Variants in AGO3 observed in about 807,000 individuals in gnomAD.
The protein encoded by AGO3 is protein argonaute-3.
In AGO3, 16 loss-of-function variants were observed where a neutral mutation model predicts 105.5. That is an observed-to-expected ratio of 0.15 (90% CI 0.10 to 0.23). AGO3 has a LOEUF of 0.23. Among genes scored for constraint, AGO3 ranks in the 10% least tolerant of loss-of-function variants. AGO3 has a pLI of 1.00. For missense variants in AGO3, 534 were observed against 1,088.0 expected, an observed-to-expected ratio of 0.49 and a Z score of 7.16; for synonymous variants, 340 against 367.3, an observed-to-expected ratio of 0.93 and a Z score of 0.85.
chr1:36,012,370 T>C (rs1197286760), intron 9 of AGO3, among the ~76,000 whole-genome samples: 1 of 151,780 alleles, frequency 6.6e-6, no homozygotes, highest in Admixed American at 6.6e-5. Context: ...AAAATGACTT[T>C]TCCTGCTTAT....
At chr1:35,937,560 G>A (rs765196686) in intron 1 of AGO3, among the ~76,000 whole-genome samples, 5 of 137,938 alleles carry the variant, frequency 3.6e-5, no homozygotes, top group Admixed American at 1.5e-4. Flanking sequence ...GCATGGTGGC[G>A]TACACCTGTA....
Position 36,055,759 on chromosome 1 carries a change from A to G in AGO3, c.*14A>G. 1 of 1,610,228 alleles carries G rather than the reference A, an allele frequency of 6.2e-7. No homozygotes were observed. Among genetic ancestry groups the G allele is most frequent in the Non-Finnish European group, 8.5e-7 (1 of 1,176,930 alleles). On this transcript the variant is annotated 3_prime_UTR_variant, in exon 19 of 19. Coordinates refer to ENST00000373191, the MANE Select transcript of AGO3 (RefSeq NM_024852.4). This position sits in a 1 kb window ranked among gnomAD's most constrained non-coding sequence, Gnocchi z 4.4. ...TACTTCGCTTAAATAGTCCAAGTAT[A>G]TTCTCTGAGAGGAAGTACTGAAAGA...
At chr1:35,961,092 C>T (rs1257543601) in intron 2 of AGO3, among the ~76,000 whole-genome samples, 1 of 151,542 alleles carries the variant, frequency 6.6e-6, no homozygotes, top group African/African-American at 2.4e-5. Context: ...TACGGGCACC[C>T]GCCACCAAGC....
intron 2 of AGO3, among the ~76,000 whole-genome samples, chr1:35,950,831 A>G (rs1230643205): frequency 1.3e-5 from 2 of 152,242 alleles, no homozygotes; most frequent in East Asian, 1.9e-4. Context: ...AAACCATTAA[A>G]TAATGGAATA....
chr1:35,957,692 C>T (rs1646596302), intron 2 of AGO3, among the ~76,000 whole-genome samples: 1 of 152,182 alleles, frequency 6.6e-6, no homozygotes, highest in Non-Finnish European at 1.5e-5. Context: ...TGCCACTGCA[C>T]TCCAGCCTGG....
At chr1:35,993,370 C>G (rs892783680) in intron 5 of AGO3, among the ~76,000 whole-genome samples, 3 of 152,082 alleles carry the variant, frequency 2.0e-5, no homozygotes, top group African/African-American at 7.2e-5. Context: ...GATTAATAAA[C>G]TCCTAGCAAG....
chr1:36,012,905 T>TA (rs565133192), intron 9 of AGO3, among the ~76,000 whole-genome samples: 13,910 of 144,848 alleles, frequency 0.096, 686 homozygotes, highest in South Asian at 0.21. Context: ...TCCATCTCTT[T>TA]AAAAAAAAAA....
chr1:36,011,426 TA>T (rs1329376341), intron 9 of AGO3, among the ~76,000 whole-genome samples: 1 of 151,940 alleles, frequency 6.6e-6, no homozygotes, highest in Non-Finnish European at 1.5e-5. Context: ...ATTAGGAAAA[TA>T]TATGCTGGTT....
At chr1:35,966,058 C>T (rs1246747783) in intron 2 of AGO3, among the ~76,000 whole-genome samples, 1 of 152,170 alleles carries the variant, frequency 6.6e-6, no homozygotes, top group African/African-American at 2.4e-5. Context: ...CTCCCGACCT[C>T]AGGTGATCCA....
intron 2 of AGO3, among the ~76,000 whole-genome samples, chr1:35,960,511 TA>T (rs1646654015): frequency 6.6e-6 from 1 of 152,034 alleles, no homozygotes; most frequent in Non-Finnish European, 1.5e-5. Context: ...GCTAAAATTC[TA>T]AATATATGAA....
intron 5 of AGO3, among the ~76,000 whole-genome samples, chr1:35,988,731 A>G (rs1270610875): frequency 1.3e-5 from 2 of 152,112 alleles, no homozygotes; most frequent in East Asian, 3.9e-4. Context: ...ATAATGCTGC[A>G]GTGAACATGG....
chr1:36,018,016 T>A (rs1640995561), intron 11 of AGO3, among the ~76,000 whole-genome samples: 2 of 151,926 alleles, frequency 1.3e-5, no homozygotes, highest in Admixed American at 1.3e-4. Flanking sequence ...GTTCTCTTTT[T>A]TTTTTTGAGG....
At chr1:35,979,166 C>G (rs1226370250) in intron 5 of AGO3, among the ~76,000 whole-genome samples, 1 of 152,100 alleles carries the variant, frequency 6.6e-6, no homozygotes, top group African/African-American at 2.4e-5. Context: ...AGATTGAGAC[C>G]ATCCTGGCTA....
chr1:36,059,637 T>C lies in AGO3; in HGVS notation c.*3892T>C, dbSNP rs1378983218. 1 of 151,838 alleles carries C rather than the reference T, an allele frequency of 6.6e-6. No homozygotes were observed. 9.4% of individuals were successfully genotyped at this position (151,838 alleles called of 1,614,324 possible). Reference sequence around the variant, plus strand: ...TTAATGTGTCTACATAAAGTGCTGATACATGTATTATATCACAGTATCAGG... The same window carrying C: ...TTAATGTGTCTACATAAAGTGCTGACACATGTATTATATCACAGTATCAGG... On this transcript the variant is annotated 3_prime_UTR_variant, in exon 19 of 19. Coordinates refer to ENST00000373191, the MANE Select transcript of AGO3 (RefSeq NM_024852.4).
Position 36,036,214 on chromosome 1 carries a change from G to T in AGO3, c.1789G>T (p.Ala597Ser), listed in dbSNP as rs1293064779. ...CCAGCAACCAGTGATCTTTTTGGGA[G>T]CCGATGTCACTCATCCACCTGCTGG... Reference protein sequence around the residue: ...VFQQPVIFLGADVTHPPAGDG... With the variant: ...VFQQPVIFLGSDVTHPPAGDG... The change falls in exon 14 of 19, where the codon GCC (alanine) becomes TCC (serine). Residue 597 changes from alanine to serine, a missense_variant. Physicochemically the swap from Ala to Ser is moderately conservative, Grantham distance 99 (BLOSUM62 1). This residue lies in a region of AGO3 where 373 missense variants were observed against 854.0 expected (regional missense o/e 0.44). Coordinates refer to ENST00000373191, the MANE Select transcript of AGO3 (RefSeq NM_024852.4). 6.2e-7 allele frequency: 1 copy of T among 1,614,074 alleles called. No individual in the cohort carries two copies. The highest frequency in any genetic ancestry group is 8.5e-7 in the Non-Finnish European group (1 of 1,179,982).
chr1:35,978,051 A>G (rs931387434), intron 5 of AGO3, among the ~76,000 whole-genome samples: 1 of 152,174 alleles, frequency 6.6e-6, no homozygotes, highest in Non-Finnish European at 1.5e-5. Context: ...AGTCTTCCCA[A>G]TTAATGAATT....
At chr1:35,975,218 G>T (rs573173499) in intron 5 of AGO3, among the ~76,000 whole-genome samples, 66 of 152,250 alleles carry the variant, frequency 4.3e-4, no homozygotes, top group African/African-American at 1.4e-3. Flanking sequence ...ATCAATGAAT[G>T]AGAGTACCAG....
chr1:35,939,851 A>G (rs1428254089), intron 1 of AGO3, among the ~76,000 whole-genome samples: 1 of 152,096 alleles, frequency 6.6e-6, no homozygotes, highest in African/African-American at 2.4e-5. Flanking sequence ...ACCCACGTCC[A>G]ATCGCTTCTC....
intron 1 of AGO3, among the ~76,000 whole-genome samples, chr1:35,937,091 C>T (rs1201299673): frequency 1.3e-5 from 2 of 152,054 alleles, no homozygotes; most frequent in Non-Finnish European, 2.9e-5. Flanking sequence ...AGGGAAATGT[C>T]CCCTTTTATT....
Sources: gnomAD v4.1 joint callset for allele counts (sites outside exome capture counted in the v4.1 genomes callset) on GRCh38, gnomAD v4.1.1 for gene constraint, gnomAD v4.1.1 regional missense constraint, Gnocchi (gnomAD v3.1) non-coding constraint, MANE v1.5 for transcripts, NCBI Gene and HGNC (gene_info 2026-07-23, HGNC 2026-07-21) for gene names.